The following DDAH1 variants were observed in gnomAD, a reference collection of about 807,000 sequenced individuals.
DDAH1 encodes the protein dimethylarginine dimethylaminohydrolase 1.
A neutral mutation model predicts 28.8 loss-of-function variants in DDAH1; 19 were observed. The observed-to-expected ratio is 0.66, with a 90% CI of 0.46 to 0.97. The LOEUF (loss-of-function observed/expected upper bound fraction) is 0.97. DDAH1 is among the 50% of genes least tolerant of loss of function. DDAH1 has a pLI of 0.00. For synonymous variants in DDAH1, 153 were observed against 154.4 expected (o/e 0.99, Z 0.07); for missense variants, 326 against 375.9 (o/e 0.87, Z 1.10).
intron 1 of DDAH1, chr1:85,379,483 T>C: frequency 1.6e-6 from 1 of 608,282 alleles, no homozygotes; most frequent in South Asian, 7.3e-5. Flanking sequence ...GAGGCACAGC[T>C]AAAATTCTAA....
intron 4 of DDAH1, among the ~76,000 whole-genome samples, chr1:85,329,072 C>T (rs189009256): frequency 1.7e-3 from 257 of 152,308 alleles, no homozygotes; most frequent in South Asian, 9.8e-3. Context: ...CTGGATCTAG[C>T]GGTCTGGGCA....
Position 85,400,191 on chromosome 1 carries a change from T to C in DDAH1, c.304-41344A>G, listed in dbSNP as rs554520129. 6.0e-3 allele frequency among the ~76,000 whole-genome samples: 601 copies of C among 100,204 alleles called. 19 individuals are homozygous for C. The highest frequency in any genetic ancestry group is 0.054 in the East Asian group (210 of 3,866). The allele number at this position is 100,204 out of a possible 152,430, so 65.7% of individuals were successfully genotyped here. ...TCTTTTCTTTTCTTTTTTTTTTTTT[T>C]TTTTTTTTTTTTTTTTTGAGACGGA... On this transcript the variant is annotated intron_variant, in intron 1 of 5. Coordinates refer to ENST00000284031, the MANE Select transcript of DDAH1 (RefSeq NM_012137.4).
At position 85,484,246 on chromosome 1, in the gene DDAH1, TTATC is replaced by T. The variant is rs546654983; in HGVS notation, c.-7+11916_-7+11919del. ...ATACATAGCTGGTTCAGGATAAATT[TTATC>T]TATCTACCTATTTATTTATGTTTAA... On this transcript the variant is annotated intron_variant, in intron 2 of 6. Coordinates refer to the DDAH1 transcript ENST00000426972. Among the ~76,000 whole-genome samples, 389 of 151,694 alleles carry T rather than the reference TTATC, an allele frequency of 2.6e-3. 1 individual carries two copies. The highest frequency in any genetic ancestry group is 9.1e-3 in the African/African-American group (375 of 41,422).
At chr1:85,498,531 T>A (rs1352253296) in intron 1 of DDAH1, among the ~76,000 whole-genome samples, 1 of 152,206 alleles carries the variant, frequency 6.6e-6, no homozygotes, top group Non-Finnish European at 1.5e-5. Flanking sequence ...TAGATTCTGC[T>A]AAGCTAAGGA....
chr1:85,429,399 T>C (rs1376531123), intron 1 of DDAH1, among the ~76,000 whole-genome samples: 1 of 152,256 alleles, frequency 6.6e-6, no homozygotes, highest in Non-Finnish European at 1.5e-5. Context: ...CCACATTTTC[T>C]TTATCCAGTC....
chr1:85,489,429 G>A (rs988540978), intron 2 of DDAH1, among the ~76,000 whole-genome samples: 3 of 152,176 alleles, frequency 2.0e-5, no homozygotes, highest in Non-Finnish European at 2.9e-5. Context: ...CAGTAAAAGA[G>A]TAACACTGTT....
intron 1 of DDAH1, chr1:85,577,954 T>A: frequency 1.0e-6 from 1 of 985,238 alleles, no homozygotes; most frequent in Non-Finnish European, 1.2e-6. Context: ...AAAAGAGCCA[T>A]ACAGAATTAG....
chr1:85,539,191 G>A (rs533675598), intron 1 of DDAH1, among the ~76,000 whole-genome samples: 1 of 151,438 alleles, frequency 6.6e-6, no homozygotes, highest in Non-Finnish European at 1.5e-5. Flanking sequence ...TTGTCACCCA[G>A]GCTGGAGTGC....
intron 1 of DDAH1, among the ~76,000 whole-genome samples, chr1:85,509,624 C>A (rs1174136297): frequency 6.6e-6 from 1 of 152,082 alleles, no homozygotes; most frequent in African/African-American, 2.4e-5. Context: ...CTAGAATAAA[C>A]AATGTAGAGA....
At chr1:85,485,404 A>G (rs1457139085) in intron 2 of DDAH1, among the ~76,000 whole-genome samples, 1 of 152,192 alleles carries the variant, frequency 6.6e-6, no homozygotes, top group African/African-American at 2.4e-5. Flanking sequence ...TAATTAAGAC[A>G]GTGTTTCCTG....
At chr1:85,503,908 G>T (rs930175245) in intron 1 of DDAH1, among the ~76,000 whole-genome samples, 2 of 152,118 alleles carry the variant, frequency 1.3e-5, no homozygotes, top group African/African-American at 4.8e-5. Flanking sequence ...GCAATGTAAC[G>T]ATCCAGGAGG....
At chr1:85,572,408 T>C (rs924994113) in intron 1 of DDAH1, among the ~76,000 whole-genome samples, 5 of 152,122 alleles carry the variant, frequency 3.3e-5, no homozygotes, top group Non-Finnish European at 5.9e-5. Flanking sequence ...ACAAATACCA[T>C]GCTCTCCCCG....
chr1:85,416,721 G>A (rs1449348908), intron 1 of DDAH1, among the ~76,000 whole-genome samples: 1 of 152,052 alleles, frequency 6.6e-6, no homozygotes, highest in Non-Finnish European at 1.5e-5. Flanking sequence ...AGGCTGGAGT[G>A]TAGCTGCATG....
intron 1 of DDAH1, among the ~76,000 whole-genome samples, chr1:85,362,344 G>C (rs1172785708): frequency 1.3e-5 from 2 of 152,054 alleles, no homozygotes; most frequent in African/African-American, 4.8e-5. Context: ...ACTCAAAAGA[G>C]CATCAGCTAA....
At chr1:85,327,275 T>C (rs1158036598) in intron 4 of DDAH1, among the ~76,000 whole-genome samples, 3 of 152,190 alleles carry the variant, frequency 2.0e-5, no homozygotes, top group Non-Finnish European at 4.4e-5. Context: ...CCAGCCGAGA[T>C]AGTGCCACTG....
intron 1 of DDAH1, among the ~76,000 whole-genome samples, chr1:85,412,347 T>C (rs1298576256): frequency 6.6e-6 from 1 of 152,182 alleles, no homozygotes; most frequent in Non-Finnish European, 1.5e-5. Context: ...TTCAGGGTCT[T>C]CTAACAATTG....
chr1:85,370,438 TA>T (rs1289453062), intron 1 of DDAH1, among the ~76,000 whole-genome samples: 2 of 152,216 alleles, frequency 1.3e-5, no homozygotes, highest in Admixed American at 6.5e-5. Context: ...TAAACTCACA[TA>T]AAGAATTGGA....
At chr1:85,475,469 C>T (rs1036077994) in intron 2 of DDAH1, among the ~76,000 whole-genome samples, 1 of 152,128 alleles carries the variant, frequency 6.6e-6, no homozygotes, top group Non-Finnish European at 1.5e-5. Flanking sequence ...GGGTCAAACC[C>T]CATTACAATA....
At chr1:85,356,177 T>C (rs1471868080) in intron 2 of DDAH1, among the ~76,000 whole-genome samples, 1 of 152,158 alleles carries the variant, frequency 6.6e-6, no homozygotes, top group African/African-American at 2.4e-5. Flanking sequence ...ATAAACATTT[T>C]ATAACTCTTT....
Sources: allele counts gnomAD v4.1 joint callset (sites outside exome capture counted in the v4.1 genomes callset), GRCh38; gene constraint gnomAD v4.1.1; transcripts MANE v1.5; gene names NCBI Gene and HGNC (gene_info 2026-07-23, HGNC 2026-07-21).